VAT1L: variants seen among roughly 807,000 people sequenced by gnomAD.
VAT1L encodes the protein vesicle amine transport 1 like.
In VAT1L, 34 loss-of-function variants were observed where a neutral mutation model predicts 44.1. That is an observed-to-expected ratio of 0.77 (90% CI 0.59 to 1.03). VAT1L has a LOEUF of 1.03. Among genes scored for constraint, VAT1L ranks in the 50% least tolerant of loss-of-function variants. VAT1L has a pLI of 0.00. For synonymous variants in VAT1L, 253 were observed against 202.2 expected, an observed-to-expected ratio of 1.25 and a Z score of -2.13; for missense variants, 615 against 538.8, an observed-to-expected ratio of 1.14 and a Z score of -1.40.
intron 7 of VAT1L, among the ~76,000 whole-genome samples, chr16:77,910,416 T>G (rs958006091): frequency 2.6e-5 from 4 of 152,102 alleles, no homozygotes; most frequent in Non-Finnish European, 4.4e-5. Context: ...CTCATGCCTG[T>G]AATCCCAGCA....
intron 7 of VAT1L, among the ~76,000 whole-genome samples, chr16:77,896,744 T>C (rs1014454139): frequency 1.3e-5 from 2 of 152,246 alleles, no homozygotes; most frequent in Admixed American, 6.5e-5. Flanking sequence ...GTTGCAGAAT[T>C]AGGCTTATTC....
At chr16:77,876,510 T>A in intron 5 of VAT1L, 37 bp downstream of exon 5, 1 of 1,575,584 alleles carries the variant, frequency 6.3e-7, no homozygotes, top group Non-Finnish European at 8.7e-7. Flanking sequence ...TGGTCAGCAA[T>A]AGGTACCTCT....
intron 7 of VAT1L, among the ~76,000 whole-genome samples, chr16:77,936,937 T>A (rs1262068144): frequency 2.0e-5 from 3 of 152,108 alleles, no homozygotes; most frequent in Non-Finnish European, 2.9e-5. Context: ...CAGGCTGGAG[T>A]GCAATGGCAC....
At chr16:77,823,213 C>T (rs2016480503) in intron 2 of VAT1L, among the ~76,000 whole-genome samples, 1 of 151,844 alleles carries the variant, frequency 6.6e-6, no homozygotes, top group Non-Finnish European at 1.5e-5. Context: ...TTGACCCCAC[C>T]CACCATTCCC....
chr16:77,896,044 C>A (rs1248953740), intron 7 of VAT1L, among the ~76,000 whole-genome samples: 2 of 152,208 alleles, frequency 1.3e-5, no homozygotes, highest in East Asian at 3.9e-4. Flanking sequence ...AGGCTGAGCA[C>A]AGAGTGATGG....
At chr16:77,931,552 G>T (rs188599045) in intron 7 of VAT1L, among the ~76,000 whole-genome samples, 1 of 152,316 alleles carries the variant, frequency 6.6e-6, no homozygotes, top group East Asian at 1.9e-4. Flanking sequence ...AGTTATATGA[G>T]ACGTCACCCA....
rs1033793948 is a variant in VAT1L, at chr16:77,977,688, T to C, written c.1253T>C (p.Ile418Thr). ...GAGAACAAGGAGCGGATGCCCTTTATCCAGTAACTGAGGACCCAGGTGGGA... is the reference window on the plus strand; with the variant it reads ...GAGAACAAGGAGCGGATGCCCTTTACCCAGTAACTGAGGACCCAGGTGGGA... ...DSENKERMPF[I>T]Q is the part of the protein sequence containing the mutation. The change falls in exon 9 of 9, where the codon ATC becomes ACC. Residue 418 changes from isoleucine to threonine, a missense_variant. Ile to Thr is a moderately conservative substitution (Grantham distance 89). Coordinates refer to ENST00000302536, the MANE Select transcript of VAT1L (RefSeq NM_020927.3). 6.2e-7 allele frequency: 1 copy of C among 1,613,816 alleles called. No homozygotes were observed. The highest frequency in any genetic ancestry group is 8.5e-7 in the Non-Finnish European group (1 of 1,179,890).
At chr16:77,891,620 T>C (rs545426885) in intron 7 of VAT1L, among the ~76,000 whole-genome samples, 2 of 152,342 alleles carry the variant, frequency 1.3e-5, no homozygotes, top group South Asian at 4.1e-4. Context: ...TTTACCTCCA[T>C]GTTAATGACT....
chr16:77,931,416 C>T (rs1439109552), intron 7 of VAT1L, among the ~76,000 whole-genome samples: 2 of 152,080 alleles, frequency 1.3e-5, no homozygotes, highest in Non-Finnish European at 2.9e-5. Flanking sequence ...ATAACTTTTA[C>T]ATCAGATATT....
chr16:77,885,275 A>G (rs1442869574), intron 7 of VAT1L, among the ~76,000 whole-genome samples: 3 of 152,206 alleles, frequency 2.0e-5, no homozygotes, highest in Non-Finnish European at 2.9e-5. Context: ...TGTTGGGTCT[A>G]AAGTTGGATT....
chr16:77,917,248 A>G (rs2017561634), intron 7 of VAT1L, among the ~76,000 whole-genome samples: 2 of 152,198 alleles, frequency 1.3e-5, no homozygotes, highest in Admixed American at 1.3e-4. Flanking sequence ...AGGTAGGACC[A>G]GAAGGGGAGA....
rs993099710 is a variant in VAT1L at position 77,863,823 on chromosome 16, G to A, written c.722+933G>A. 3.7e-4 allele frequency among the ~76,000 whole-genome samples: 56 copies of A among 152,270 alleles called. 1 individual carries two copies. The highest frequency in any genetic ancestry group is 1.3e-3 in the African/African-American group (53 of 41,546). Reference sequence around the variant, plus strand: ...CTGAGCAAGGAGACAGGTATCAGATGCACATAAAGACCATGTACACCAATC... The same window carrying A: ...CTGAGCAAGGAGACAGGTATCAGATACACATAAAGACCATGTACACCAATC... On this transcript the variant is annotated intron_variant, in intron 4 of 8. Coordinates refer to ENST00000302536, the MANE Select transcript of VAT1L (RefSeq NM_020927.3).
At chr16:77,920,814 G>T (rs1192605266) in intron 7 of VAT1L, among the ~76,000 whole-genome samples, 1 of 152,114 alleles carries the variant, frequency 6.6e-6, no homozygotes, top group Non-Finnish European at 1.5e-5. Flanking sequence ...TAGGTGTATG[G>T]TAGGCTATAC....
At chr16:77,924,127 C>A (rs765191038) in intron 7 of VAT1L, among the ~76,000 whole-genome samples, 2 of 152,138 alleles carry the variant, frequency 1.3e-5, no homozygotes, top group Non-Finnish European at 2.9e-5. Flanking sequence ...CAGCTGGCAT[C>A]CCCCTTTCTC....
At chr16:77,848,411 C>T (rs1375396198) in intron 3 of VAT1L, among the ~76,000 whole-genome samples, 2 of 152,118 alleles carry the variant, frequency 1.3e-5, no homozygotes, top group African/African-American at 2.4e-5. Context: ...CGTCACGTTG[C>T]CTCTGTCTTG....
intron 2 of VAT1L, 38 bp downstream of exon 2, chr16:77,817,088 T>G: frequency 9.4e-6 from 15 of 1,596,232 alleles, no homozygotes; most frequent in Non-Finnish European, 1.2e-5. Context: ...AATATTCATT[T>G]GGAATCCATT....
At chr16:77,933,701 G>T (rs902946292) in intron 7 of VAT1L, among the ~76,000 whole-genome samples, 1 of 152,244 alleles carries the variant, frequency 6.6e-6, no homozygotes, top group Non-Finnish European at 1.5e-5. Context: ...AGAGCTGGAA[G>T]GAGGGGGATT....
Position 77,925,573 on chromosome 16 carries a change from C to T in VAT1L, c.1077+40771C>T, listed in dbSNP as rs770922915. Among the ~76,000 whole-genome samples, 44 of 152,170 alleles carry T rather than the reference C, an allele frequency of 2.9e-4. 1 individual carries two copies. The highest frequency in any genetic ancestry group is 7.7e-4 in the East Asian group (4 of 5,186). On this transcript the variant is annotated intron_variant, in intron 7 of 8. Coordinates refer to ENST00000302536, the MANE Select transcript of VAT1L (RefSeq NM_020927.3). ...ATTATTTCAGCTTTCCACGTTCTAG[C>T]GTTTTCACTGCTTCCTTTAATAAAA... is the stretch of plus-strand genomic sequence containing the variant.
Position 77,835,235 on chromosome 16 carries a change from G to A in VAT1L, c.579+9774G>A, listed in dbSNP as rs187157944. The stretch of plus-strand genomic sequence containing the variant: ...TGAACTAAGGAGAGCCCTGCCAACT[G>A]AGTTAATCCCAGGGGGAGGAAAAAT... On this transcript the variant is annotated intron_variant, in intron 3 of 8. Coordinates refer to ENST00000302536, the MANE Select transcript of VAT1L (RefSeq NM_020927.3). Among the ~76,000 whole-genome samples the A allele has an allele frequency of 4.6e-5, 7 of 152,254 alleles. No individual in the cohort carries two copies. The East Asian group carries it at 1.4e-3, about 29-fold the overall frequency.
Sources: allele counts gnomAD v4.1 joint callset (sites outside exome capture counted in the v4.1 genomes callset), GRCh38; gene constraint gnomAD v4.1.1; transcripts MANE v1.5; gene names NCBI Gene and HGNC (gene_info 2026-07-23, HGNC 2026-07-21).